CNTN5: variants seen among roughly 807,000 people sequenced by gnomAD.
CNTN5 encodes contactin 5, also known as contactin-5.
A neutral mutation model predicts 129.1 loss-of-function variants in CNTN5; 77 were observed. The observed-to-expected ratio is 0.60, with a 90% CI of 0.50 to 0.72. The LOEUF (loss-of-function observed/expected upper bound fraction) is 0.72, where lower values mean the gene tolerates loss of function less well. CNTN5 is among the 30% of genes least tolerant of loss of function. CNTN5 has a pLI of 0.00. For synonymous variants in CNTN5, 509 were observed against 465.6 expected, an observed-to-expected ratio of 1.09 and a Z score of -1.20; for missense variants, 1,478 against 1,328.8, an observed-to-expected ratio of 1.11 and a Z score of -1.75.
intron 1 of CNTN5, among the ~76,000 whole-genome samples, chr11:99,034,039 G>A (rs555536494): frequency 5.3e-5 from 8 of 152,064 alleles, no homozygotes; most frequent in African/African-American, 1.9e-4. Flanking sequence ...TGTGGTTTTT[G>A]TCTTTGGTTC....
intron 6 of CNTN5, 65 bp from the exon 7 acceptor site, chr11:99,915,989 T>A (rs1949779011): frequency 7.9e-7 from 1 of 1,268,778 alleles, no homozygotes; most frequent in African/African-American, 1.5e-5. Flanking sequence ...AAGTACAAGT[T>A]ACAATCATAG....
chr11:99,537,767 A>T (rs987932918), intron 2 of CNTN5, among the ~76,000 whole-genome samples: 8 of 152,280 alleles, frequency 5.3e-5, no homozygotes, highest in African/African-American at 1.9e-4. Context: ...CTATAGTGGC[A>T]TGTTAGGAAC....
In CNTN5 at chr11:99,503,466, T is replaced by C. The variant is rs547950723; in HGVS notation, c.-70-52679T>C. On this transcript the variant is annotated intron_variant, in intron 2 of 24. Coordinates refer to ENST00000524871, the MANE Select transcript of CNTN5 (RefSeq NM_014361.4). Reference sequence around the variant, plus strand: ...TTGTTTCTCAACCACCTAAGAGCTATGCATTCTCCCAAGCTCAGTTCAGAC... The same window carrying C: ...TTGTTTCTCAACCACCTAAGAGCTACGCATTCTCCCAAGCTCAGTTCAGAC... 5.3e-5 allele frequency among the ~76,000 whole-genome samples: 8 copies of C among 152,352 alleles called. No homozygotes were observed. In the East Asian group the frequency reaches 1.5e-3, roughly 29 times the overall value.
intron 21 of CNTN5, among the ~76,000 whole-genome samples, chr11:100,319,343 G>A (rs984834844): frequency 1.1e-4 from 17 of 151,844 alleles, no homozygotes; most frequent in African/African-American, 4.1e-4. Context: ...AGTAGGGATC[G>A]GGTTTCACCA....
intron 1 of CNTN5, among the ~76,000 whole-genome samples, chr11:99,264,466 A>G (rs958017435): frequency 1.3e-4 from 20 of 152,110 alleles, no homozygotes; most frequent in Admixed American, 2.0e-4. Flanking sequence ...GTGAGATGCT[A>G]TATTTGGGGA....
chr11:99,970,208 C>A (rs960720975), intron 8 of CNTN5, among the ~76,000 whole-genome samples: 8 of 152,148 alleles, frequency 5.3e-5, no homozygotes, highest in Admixed American at 6.6e-5. Context: ...TGAACTCCTT[C>A]TTTCTGTAGC....
intron 2 of CNTN5, among the ~76,000 whole-genome samples, chr11:99,452,113 G>A (rs1944325051): frequency 1.3e-5 from 2 of 151,972 alleles, no homozygotes; most frequent in African/African-American, 4.8e-5. Context: ...AAAATTCCTT[G>A]AATTTCAAAT....
chr11:99,229,049 A>G (rs1426342588), intron 1 of CNTN5, among the ~76,000 whole-genome samples: 1 of 152,064 alleles, frequency 6.6e-6, no homozygotes, highest in Middle Eastern at 3.4e-3. Context: ...TATGGATTGT[A>G]TGTATTTTTT....
At chr11:99,209,936 T>G (rs1859681597) in intron 1 of CNTN5, among the ~76,000 whole-genome samples, 1 of 152,116 alleles carries the variant, frequency 6.6e-6, no homozygotes, top group African/African-American at 2.4e-5. Context: ...ATAGTGTGAT[T>G]TTATGAAAAC....
chr11:99,837,844 A>G (rs767116940), intron 4 of CNTN5, among the ~76,000 whole-genome samples: 1 of 152,110 alleles, frequency 6.6e-6, no homozygotes, highest in Non-Finnish European at 1.5e-5. Flanking sequence ...TCTATGGGTT[A>G]TATAGAAACA....
At chr11:100,030,450 C>T (rs1201598691) in intron 9 of CNTN5, among the ~76,000 whole-genome samples, 1 of 152,112 alleles carries the variant, frequency 6.6e-6, no homozygotes, top group Non-Finnish European at 1.5e-5. Context: ...AGCCATGTCC[C>T]CTAATTAGAA....
chr11:99,471,143 T>C (rs1591117709), intron 2 of CNTN5, among the ~76,000 whole-genome samples: 1 of 94,170 alleles, frequency 1.1e-5, no homozygotes, highest in Non-Finnish European at 2.2e-5. Flanking sequence ...TTTAAAGTAA[T>C]GTTGCTAAAA....
At chr11:99,386,313 AAAGGAAT>A (rs559227342) in intron 2 of CNTN5, among the ~76,000 whole-genome samples, 107 of 152,334 alleles carry the variant, frequency 7.0e-4, no homozygotes, top group African/African-American at 2.5e-3. Context: ...TTAAGAAAGT[AAAGGAAT>A]AAAGAATGGC....
chr11:99,608,005 A>T (rs980252639), intron 3 of CNTN5, among the ~76,000 whole-genome samples: 1 of 139,488 alleles, frequency 7.2e-6, no homozygotes, highest in Non-Finnish European at 1.5e-5. Flanking sequence ...ATGCTAGATG[A>T]CACATTAGTG....
intron 23 of CNTN5, among the ~76,000 whole-genome samples, chr11:100,344,467 T>C (rs1952235480): frequency 6.6e-6 from 1 of 152,072 alleles, no homozygotes; most frequent in Non-Finnish European, 1.5e-5. Context: ...AGATAGAGAC[T>C]GGTGGTTATC....
chr11:100,340,606 T>A lies in CNTN5; in HGVS notation c.2874T>A (p.Tyr958Ter). 1 of 1,612,884 alleles carries A rather than the reference T, an allele frequency of 6.2e-7. No homozygotes were observed. The highest frequency in any genetic ancestry group is 2.2e-5 in the East Asian group (1 of 44,830). The change falls in exon 22 of 25, where the codon TAT (tyrosine) becomes TAA (stop). Residue 958 changes from tyrosine (Y) to a stop codon, truncating the protein, a stop_gained. Coordinates refer to ENST00000524871, the MANE Select transcript of CNTN5 (RefSeq NM_014361.4). LOFTEE classifies it high-confidence loss of function. Reference protein sequence around the residue: ...FTVRAYNGAGYGPPSSEVSAT... With the variant: ...FTVRAYNGAG ...TGAGGGCTTACAATGGAGCTGGATA[T>A]GGGCCACCTAGCAGTGAAGTGAGTG...
chr11:99,045,654 G>A (rs1864176122), intron 1 of CNTN5, among the ~76,000 whole-genome samples: 1 of 152,102 alleles, frequency 6.6e-6, no homozygotes, highest in South Asian at 2.1e-4. Flanking sequence ...CAGGATTATT[G>A]CCAGATAGAA....
intron 9 of CNTN5, among the ~76,000 whole-genome samples, chr11:100,041,077 G>A (rs2407315): frequency 0.092 from 13,973 of 152,128 alleles, 799 homozygotes; most frequent in East Asian, 0.18. Context: ...CTCACACTAG[G>A]AGCTGTAGAC....
At chr11:99,493,586 TCAAA>T (rs544183139) in intron 2 of CNTN5, among the ~76,000 whole-genome samples, 88 of 152,290 alleles carry the variant, frequency 5.8e-4, no homozygotes, top group African/African-American at 2.0e-3. Flanking sequence ...CAGCAGTGAC[TCAAA>T]CAAATTCCGG....
Sources: allele counts gnomAD v4.1 joint callset (sites outside exome capture counted in the v4.1 genomes callset), GRCh38; gene constraint gnomAD v4.1.1; transcripts MANE v1.5; gene names NCBI Gene and HGNC (gene_info 2026-07-23, HGNC 2026-07-21).